GCSAML: variants seen among roughly 807,000 people sequenced by gnomAD.
GCSAML encodes the protein germinal center-associated signaling and motility-like protein.
A neutral mutation model predicts 13.0 loss-of-function variants in GCSAML; 9 were observed. That is an observed-to-expected ratio of 0.69 (90% CI 0.42 to 1.21). The LOEUF is 1.21. Among genes scored for constraint, GCSAML ranks in the 50% most tolerant of loss-of-function variants. The probability of loss-of-function intolerance (pLI) is 0.00; values close to 1 mark genes in which losing one functional copy is unlikely to be tolerated. For missense variants in GCSAML, 143 were observed against 153.4 expected, an observed-to-expected ratio of 0.93 and a Z score of 0.36; for synonymous variants, 37 against 52.9, an observed-to-expected ratio of 0.70 and a Z score of 1.31.
intron 1 of GCSAML, among the ~76,000 whole-genome samples, chr1:247,517,508 A>G (rs190202694): frequency 3.9e-5 from 6 of 152,326 alleles, no homozygotes; most frequent in Admixed American, 3.3e-4. Flanking sequence ...TAGCAGAGAA[A>G]TTGGTTCATG....
intron 1 of GCSAML, among the ~76,000 whole-genome samples, chr1:247,553,678 A>G (rs1402162988): frequency 6.6e-6 from 1 of 152,154 alleles, no homozygotes; most frequent in Non-Finnish European, 1.5e-5. Context: ...AGAGTGCACT[A>G]CAGCTTTGAA....
chr1:247,519,274 T>G (rs1666333298), intron 1 of GCSAML: 1 of 152,212 alleles, frequency 6.6e-6, no homozygotes, highest in Admixed American at 6.5e-5. Context: ...CTTCTTTCCT[T>G]AGTGGGGTTT....
chr1:247,568,714 A>C lies in GCSAML; in HGVS notation c.168+2755A>C, dbSNP rs142202819. 9.2e-3 allele frequency among the ~76,000 whole-genome samples: 1,400 copies of C among 152,284 alleles called. 23 individuals are homozygous for C. The highest frequency in any genetic ancestry group is 0.032 in the African/African-American group (1,338 of 41,542). ...AAGCTTTTTTTCTAATTATGTGAAG[A>C]AAGACAATGGTAGCTTGATGGGAAT... On this transcript the variant is annotated intron_variant, in intron 4 of 4. Transcript: ENST00000366488.
chr1:247,569,869 C>T (rs1668532932), intron 4 of GCSAML, among the ~76,000 whole-genome samples: 1 of 152,098 alleles, frequency 6.6e-6, no homozygotes, highest in Non-Finnish European at 1.5e-5. Flanking sequence ...TAATTAATTA[C>T]TGCTTCAGTT....
intron 1 of GCSAML, among the ~76,000 whole-genome samples, chr1:247,520,099 A>G (rs898200403): frequency 2.0e-5 from 3 of 152,244 alleles, no homozygotes; most frequent in African/African-American, 7.2e-5. Flanking sequence ...CACTAAAAAA[A>G]GGTGCGCTTC....
chr1:247,526,819 C>T lies in GCSAML; in HGVS notation c.-262-121C>T, dbSNP rs186196184. On this transcript the variant is annotated intron_variant, in intron 1 of 5. Coordinates refer to the GCSAML transcript ENST00000366489. This position sits in a 1 kb window ranked among gnomAD's most constrained non-coding sequence, Gnocchi z 4.8. ...ATTCGGCTGAAAAGGGACCTGGCAT[C>T]GAAAGACAAGTGGTGTCCAATATGG... 8 of 363,006 alleles carry T rather than the reference C, an allele frequency of 2.2e-5. No homozygotes were observed. Among genetic ancestry groups the T allele is most frequent in the African/African-American group, 6.4e-5 (3 of 46,758 alleles). The allele number at this position is 363,006 out of a possible 1,614,324, so 22.5% of individuals were successfully genotyped here. A position where few individuals can be genotyped will look rare whatever the true frequency, so the allele number is the denominator to read the frequency against.
intron 1 of GCSAML, among the ~76,000 whole-genome samples, chr1:247,554,271 CATA>C (rs1667883818): frequency 6.6e-6 from 1 of 152,036 alleles, no homozygotes; most frequent in Admixed American, 6.6e-5. Flanking sequence ...CATTTTAAGC[CATA>C]ATGTTTATTA....
intron 2 of GCSAML, chr1:247,532,091 G>C: frequency 2.5e-6 from 4 of 1,614,082 alleles, no homozygotes; most frequent in Non-Finnish European, 2.5e-6. Flanking sequence ...CCAAGGCAAA[G>C]CTGTGGATGC....
chr1:247,531,825 G>C lies in GCSAML; in HGVS notation c.-148+4771G>C, dbSNP rs1325765776. 1 of 1,614,086 alleles carries C rather than the reference G, an allele frequency of 6.2e-7. No homozygotes were observed. Among genetic ancestry groups the C allele is most frequent in the Admixed American group, 1.7e-5 (1 of 60,012 alleles). On this transcript the variant is annotated intron_variant, in intron 2 of 5. Coordinates refer to the GCSAML transcript ENST00000366489. Reference sequence around the variant, plus strand: ...CCTTTCTCCGCCCTTCTGCTGACCTGATCTTCAACACGGCCCGGGCAATGT... The same window carrying C: ...CCTTTCTCCGCCCTTCTGCTGACCTCATCTTCAACACGGCCCGGGCAATGT...
chr1:247,547,467 G>A (rs963186068), upstream of GCSAML, among the ~76,000 whole-genome samples: 5 of 152,172 alleles, frequency 3.3e-5, no homozygotes, highest in Non-Finnish European at 2.9e-5. Flanking sequence ...TCTGTCATTC[G>A]GTGACTAAAA....
intron 2 of GCSAML, among the ~76,000 whole-genome samples, chr1:247,556,991 G>A (rs1667977805): frequency 1.3e-5 from 2 of 152,010 alleles, no homozygotes; most frequent in Admixed American, 1.3e-4. Flanking sequence ...TTTATTTGAT[G>A]TTCTTTAAGC....
At chr1:247,563,081 C>T (rs1204617204) in intron 2 of GCSAML, among the ~76,000 whole-genome samples, 1 of 151,492 alleles carries the variant, frequency 6.6e-6, no homozygotes, top group East Asian at 1.9e-4. Context: ...ATCTCCTAAC[C>T]TCGTGATCTG....
intron 2 of GCSAML, 36 bp from the exon 3 acceptor site, chr1:247,563,554 C>A (rs375418538): frequency 1.0e-5 from 14 of 1,339,210 alleles, no homozygotes; most frequent in Non-Finnish European, 1.5e-5. Context: ...TTTGGAGAAC[C>A]TGGAGTATCT....
At chr1:247,571,664 G>C (rs1007585466) in intron 4 of GCSAML, among the ~76,000 whole-genome samples, 1 of 152,148 alleles carries the variant, frequency 6.6e-6, no homozygotes, top group African/African-American at 2.4e-5. Flanking sequence ...CGGTGAATCT[G>C]ATGATTATGT....
At position 247,575,858 on chromosome 1, in the gene GCSAML, T is replaced by G. The variant is rs1668815288; in HGVS notation, c.*1476T>G. The G allele has an allele frequency of 6.6e-6, 1 of 152,238 alleles. No individual in the cohort carries two copies. Among genetic ancestry groups the G allele is most frequent in the Non-Finnish European group, 1.5e-5 (1 of 68,044 alleles). The allele number at this position is 152,238 out of a possible 1,614,324, so 9.4% of individuals were successfully genotyped here. The stretch of plus-strand genomic sequence containing the variant: ...AACTGGAAAATAATCCATCTAATTA[T>G]GCTTTCTTTCCCAAGAAGTTTTTTA... On this transcript the variant is annotated 3_prime_UTR_variant, in exon 5 of 5. Coordinates refer to ENST00000366488, the MANE Select transcript of GCSAML (RefSeq NM_145278.5).
At chr1:247,531,516 C>G in intron 2 of GCSAML, 1 of 1,596,150 alleles carries the variant, frequency 6.3e-7, no homozygotes. Flanking sequence ...TCGATGTAAA[C>G]TTGATCTTCC....
At chr1:247,508,877 C>T (rs970608143) in intron 1 of GCSAML, among the ~76,000 whole-genome samples, 15 of 152,030 alleles carry the variant, frequency 9.9e-5, no homozygotes, top group African/African-American at 2.7e-4. Context: ...GTTTTGGTAC[C>T]GGTATCATGC....
At chr1:247,513,349 C>T (rs145337967) in intron 1 of GCSAML, among the ~76,000 whole-genome samples, 1,852 of 152,282 alleles carry the variant, frequency 0.012, 42 homozygotes, top group African/African-American at 0.042. Flanking sequence ...TAATGGCGGA[C>T]ACCCCTCCCC....
intron 1 of GCSAML, chr1:247,525,248 A>G (rs890011669): frequency 3.9e-5 from 6 of 152,140 alleles, no homozygotes; most frequent in African/African-American, 1.2e-4. Flanking sequence ...CAAACAATCA[A>G]TCCTATGGCA....
Sources: allele counts gnomAD v4.1 joint callset (sites outside exome capture counted in the v4.1 genomes callset), GRCh38; gene constraint gnomAD v4.1.1; non-coding constraint Gnocchi (gnomAD v3.1); transcripts MANE v1.5; gene names NCBI Gene and HGNC (gene_info 2026-07-23, HGNC 2026-07-21).